BNC2: variants seen among roughly 807,000 people sequenced by gnomAD.
BNC2 encodes the protein basonuclin zinc finger protein 2, also known as zinc finger protein basonuclin-2.
BNC2 carries 20 observed loss-of-function variants against 76.3 expected under a neutral mutation model. The ratio of observed to expected loss-of-function variants is 0.26; its 90% CI spans 0.18 to 0.38. The LOEUF (loss-of-function observed/expected upper bound fraction) is 0.38. Ranked by LOEUF, BNC2 falls within the 10% of genes least tolerant of loss-of-function variation. The pLI, the probability that BNC2 is intolerant of heterozygous loss-of-function variation, is 1.00. For missense variants in BNC2, 1,382 were observed against 1,399.8 expected, an observed-to-expected ratio of 0.99 and a Z score of 0.20; for synonymous variants, 582 against 514.8, an observed-to-expected ratio of 1.13 and a Z score of -1.77.
At chr9:16,635,568 A>C (rs1821298921) in intron 3 of BNC2, among the ~76,000 whole-genome samples, 6 of 152,220 alleles carry the variant, frequency 3.9e-5, no homozygotes, top group Admixed American at 3.9e-4. Flanking sequence ...AACAAAAAAT[A>C]ATTGTGATTA....
chr9:16,557,899 G>C (rs542373361), intron 4 of BNC2, among the ~76,000 whole-genome samples: 6 of 150,526 alleles, frequency 4.0e-5, no homozygotes, highest in African/African-American at 1.5e-4. Context: ...CTAACTCTAT[G>C]ACCCACGTTG....
intron 3 of BNC2, among the ~76,000 whole-genome samples, chr9:16,677,064 T>A (rs776259124): frequency 6.6e-6 from 1 of 152,206 alleles, no homozygotes; most frequent in Non-Finnish European, 1.5e-5. Flanking sequence ...TTTCAAGATA[T>A]GTGAAAATTT....
chr9:16,484,008 C>A (rs1025375540), intron 5 of BNC2, among the ~76,000 whole-genome samples: 1 of 152,140 alleles, frequency 6.6e-6, no homozygotes, highest in African/African-American at 2.4e-5. Flanking sequence ...ACTCCAAATC[C>A]CCTGCCAACT....
At chr9:16,499,711 A>C (rs1434454062) in intron 5 of BNC2, among the ~76,000 whole-genome samples, 2 of 151,516 alleles carry the variant, frequency 1.3e-5, no homozygotes, top group Non-Finnish European at 2.9e-5. Context: ...TTGAATTTTT[A>C]GTAGAGATGG....
intron 1 of BNC2, among the ~76,000 whole-genome samples, chr9:16,864,615 G>A (rs1038891332): frequency 6.6e-5 from 10 of 152,046 alleles, no homozygotes; most frequent in Non-Finnish European, 1.0e-4. Context: ...TGCCAGCGTC[G>A]GCCTATCCCC....
chr9:16,468,367 G>C (rs1244162914), intron 5 of BNC2, among the ~76,000 whole-genome samples: 1 of 151,626 alleles, frequency 6.6e-6, no homozygotes, highest in Non-Finnish European at 1.5e-5. Context: ...TATTCTGCTA[G>C]GTATTTTATA....
intron 3 of BNC2, among the ~76,000 whole-genome samples, chr9:16,700,864 G>A (rs1208284561): frequency 1.3e-5 from 2 of 152,158 alleles, no homozygotes; most frequent in Non-Finnish European, 2.9e-5. Context: ...TTATTTGGGA[G>A]GCTGAGACAT....
At chr9:16,508,367 C>A (rs892775308) in intron 5 of BNC2, among the ~76,000 whole-genome samples, 4 of 152,038 alleles carry the variant, frequency 2.6e-5, no homozygotes, top group Non-Finnish European at 4.4e-5. Flanking sequence ...ACTGTATCAC[C>A]AACATCTTGC....
intron 5 of BNC2, among the ~76,000 whole-genome samples, chr9:16,481,636 G>A (rs1457764970): frequency 1.3e-5 from 2 of 152,162 alleles, no homozygotes; most frequent in Non-Finnish European, 2.9e-5. Flanking sequence ...TGATATCACT[G>A]CTAACTTAGG....
Position 16,455,307 on chromosome 9 carries a change from G to C in BNC2, c.670-17783C>G, listed in dbSNP as rs572903310. Among the ~76,000 whole-genome samples, 17 of 152,292 alleles carry C rather than the reference G, an allele frequency of 1.1e-4. No homozygotes were observed. In the South Asian group the frequency reaches 3.3e-3, roughly 30 times the overall value. ...GCATCTTTTACAGAAGACTTGGTAA[G>C]ACTAAAATGGCCAAGAGAAAATAAA... On this transcript the variant is annotated intron_variant, in intron 5 of 6. Transcript: ENST00000380672.
At chr9:16,433,074 G>A (rs1342311300) in intron 6 of BNC2, among the ~76,000 whole-genome samples, 1 of 152,160 alleles carries the variant, frequency 6.6e-6, no homozygotes, top group African/African-American at 2.4e-5. Context: ...TGCAGGAAGA[G>A]GCAGGCACCC....
At chr9:16,667,737 A>G (rs1244428353) in intron 3 of BNC2, among the ~76,000 whole-genome samples, 2 of 152,194 alleles carry the variant, frequency 1.3e-5, no homozygotes, top group East Asian at 3.8e-4. Flanking sequence ...GTTTATATAC[A>G]GAAAAAAATA....
chr9:16,561,550 C>T (rs1015639564), intron 4 of BNC2, among the ~76,000 whole-genome samples: 27 of 141,038 alleles, frequency 1.9e-4, no homozygotes, highest in East Asian at 1.5e-3. Flanking sequence ...TGAGAATGGG[C>T]CTCCAAGTAC....
At chr9:16,756,059 T>C (rs1456719817) in intron 1 of BNC2, among the ~76,000 whole-genome samples, 1 of 152,174 alleles carries the variant, frequency 6.6e-6, no homozygotes. Context: ...TCTCATGAGA[T>C]GTACAGAAGA....
chr9:16,579,303 G>A (rs1381581390), intron 4 of BNC2, among the ~76,000 whole-genome samples: 1 of 151,290 alleles, frequency 6.6e-6, no homozygotes. Context: ...TTATTTTTGA[G>A]ACAGAGTCTT....
At chr9:16,686,838 A>G (rs879511072) in intron 3 of BNC2, among the ~76,000 whole-genome samples, 6 of 152,212 alleles carry the variant, frequency 3.9e-5, no homozygotes, top group Admixed American at 3.3e-4. Context: ...CAACGCTTCA[A>G]ACATTTTTAG....
chr9:16,587,261 T>C (rs1384328544), intron 3 of BNC2, among the ~76,000 whole-genome samples: 1 of 150,242 alleles, frequency 6.7e-6, no homozygotes, highest in Non-Finnish European at 1.5e-5. Context: ...TCACCCAGGC[T>C]GGAGTACAGT....
intron 3 of BNC2, among the ~76,000 whole-genome samples, chr9:16,678,129 G>A (rs1251592340): frequency 2.6e-5 from 4 of 152,062 alleles, no homozygotes; most frequent in African/African-American, 9.6e-5. Context: ...AAGGCAGCAG[G>A]TGACAGTGAA....
chr9:16,464,591 A>G (rs2131291327), intron 5 of BNC2, among the ~76,000 whole-genome samples: 1 of 152,212 alleles, frequency 6.6e-6, no homozygotes, highest in South Asian at 2.1e-4. Context: ...TTTCCTAAAC[A>G]TATCTACTTT....
Sources: allele counts gnomAD v4.1 joint callset (sites outside exome capture counted in the v4.1 genomes callset), GRCh38; gene constraint gnomAD v4.1.1; transcripts MANE v1.5; gene names NCBI Gene and HGNC (gene_info 2026-07-23, HGNC 2026-07-21).